ELMOD3: variants seen among roughly 807,000 people sequenced by gnomAD.
ELMOD3 encodes the protein ELMO domain containing 3, also known as ELMO domain-containing protein 3.
A neutral mutation model predicts 47.4 loss-of-function variants in ELMOD3; 36 were observed. The ratio of observed to expected loss-of-function variants is 0.76; its 90% confidence interval spans 0.58 to 1.00. ELMOD3 has a LOEUF of 1.00. Ranked by LOEUF, ELMOD3 falls within the 50% of genes least tolerant of loss-of-function variation. The pLI is 0.00. For synonymous variants in ELMOD3, 149 were observed against 183.5 expected, an observed-to-expected ratio of 0.81 and a Z score of 1.52; for missense variants, 404 against 463.8, an observed-to-expected ratio of 0.87 and a Z score of 1.18.
rs780266533 is a variant in ELMOD3, at chr2:85,389,756, C to T, written c.744C>T (p.Phe248=). 8 of 1,614,112 alleles carry T rather than the reference C, an allele frequency of 5.0e-6. No homozygotes were observed. The highest frequency in any genetic ancestry group is 1.6e-4 in the Middle Eastern group (1 of 6,062). The change falls in exon 12 of 14, where the codon TTC becomes TTT. Residue 248 remains phenylalanine (F), a synonymous_variant. Transcript: ENST00000409013. ...TGGGTGCCCCTCCATTCCAGCAATT[C>T]CCTTTCTGTTTGATGTCCGTGAACA... ...FRLSRHHIQQ[F]PFCLMSVNIT...
rs748967580 is a variant in ELMOD3, at chr2:85,377,356, C to A, written c.620C>A (p.Ala207Asp). 6.2e-7 allele frequency: 1 copy of A among 1,602,290 alleles called. No individual in the cohort carries two copies. Among genetic ancestry groups the A allele is most frequent in the African/African-American group, 1.3e-5 (1 of 74,356 alleles). Reference sequence around the variant, plus strand: ...GTCTCTGTTACAGGAGCGAATCCAGCCACAGACCTGAGAGGCGCAGGCTTC... The same window carrying A: ...GTCTCTGTTACAGGAGCGAATCCAGACACAGACCTGAGAGGCGCAGGCTTC... ...EDLGFQGANP[A>D]TDLRGAGFLA... Residue 207 changes from alanine (A) to aspartate (D), a missense_variant, in exon 11 of 14, where the codon GCC becomes GAC. Transcript: ENST00000409013.
chr2:85,368,404 C>T (rs1228580889), intron 6 of ELMOD3: 2 of 412,728 alleles, frequency 4.8e-6, no homozygotes, highest in Non-Finnish European at 9.1e-6. Flanking sequence ...CCACTAAGTT[C>T]AGCATCAATA....
At chr2:85,357,283 GT>G in intron 4 of ELMOD3, 31 bp downstream of exon 4, 18 of 1,475,350 alleles carry the variant, frequency 1.2e-5, no homozygotes, top group Non-Finnish European at 1.7e-5. Context: ...GGGAAAGGTG[GT>G]GTTGGTTTGA....
chr2:85,370,281 G>A (rs1439828186), intron 8 of ELMOD3, among the ~76,000 whole-genome samples: 1 of 151,978 alleles, frequency 6.6e-6, no homozygotes, highest in Non-Finnish European at 1.5e-5. Flanking sequence ...GGTGGGGTGG[G>A]TGCTGGGCAT....
At chr2:85,386,143 TCTG>T (rs1685905698) in intron 11 of ELMOD3, among the ~76,000 whole-genome samples, 1 of 152,200 alleles carries the variant, frequency 6.6e-6, no homozygotes. Flanking sequence ...CAGAAGATAC[TCTG>T]GTCTTCCTGC....
rs754023217 is a variant in ELMOD3 at position 85,371,550 on chromosome 2, C to G, written c.595C>G (p.Leu199Val). Residue 199 changes from leucine (L) to valine (V), a missense_variant, in exon 10 of 14, where the codon CTG (leucine) becomes GTG (valine). Coordinates refer to ENST00000409013, the MANE Select transcript of ELMOD3 (RefSeq NM_001135022.2). ...CALHGNHWED[L>V]GFQGANPATD... ...CCTTCATGGAAACCACTGGGAGGAC[C>G]TGGGCTTTCAGGGTAAGAGGGAGGA... The G allele has an allele frequency of 3.7e-6, 6 of 1,614,188 alleles. No homozygotes were observed. Among genetic ancestry groups the G allele is most frequent in the Non-Finnish European group, 4.2e-6 (5 of 1,180,034 alleles).
chr2:85,364,208 A>T (rs1328915054), intron 6 of ELMOD3, among the ~76,000 whole-genome samples: 1 of 149,974 alleles, frequency 6.7e-6, no homozygotes, highest in Non-Finnish European at 1.5e-5. Flanking sequence ...TGGTGCAATC[A>T]TAGAATTTGT....
At chr2:85,363,061 T>G in intron 5 of ELMOD3, 36 bp from the exon 6 acceptor site, 1 of 1,397,180 alleles carries the variant, frequency 7.2e-7, no homozygotes, top group Non-Finnish European at 1.0e-6. Flanking sequence ...GGTATGTGGA[T>G]TCTATCCTCA....
chr2:85,361,162 A>G (rs537705742), intron 4 of ELMOD3, among the ~76,000 whole-genome samples: 3 of 152,112 alleles, frequency 2.0e-5, no homozygotes, highest in South Asian at 2.1e-4. Context: ...TTAGCTCTGT[A>G]TCTGTGAAAT....
At chr2:85,378,129 A>G (rs1685302874) in intron 11 of ELMOD3, among the ~76,000 whole-genome samples, 1 of 152,244 alleles carries the variant, frequency 6.6e-6, no homozygotes, top group South Asian at 2.1e-4. Flanking sequence ...TGTGGGAGCT[A>G]AGAACATAAA....
At chr2:85,386,376 G>A (rs1032104030) in intron 11 of ELMOD3, among the ~76,000 whole-genome samples, 24 of 134,802 alleles carry the variant, frequency 1.8e-4, no homozygotes, top group Admixed American at 1.1e-3. Flanking sequence ...TTTTTGATAC[G>A]TAGGCTTTTT....
At chr2:85,368,592 AT>A in intron 6 of ELMOD3, 93 bp from the exon 7 acceptor site, 4 of 1,284,256 alleles carry the variant, frequency 3.1e-6, no homozygotes, top group South Asian at 1.3e-5. Flanking sequence ...AAAAAAAAAA[AT>A]AGGCCCAAGG....
intron 4 of ELMOD3, among the ~76,000 whole-genome samples, chr2:85,358,059 C>T (rs1162084915): frequency 6.6e-6 from 1 of 152,096 alleles, no homozygotes; most frequent in East Asian, 1.9e-4. Flanking sequence ...GTGGGCAGAT[C>T]ACTTGAGGTC....
rs760939799 is a variant in ELMOD3 at position 85,390,261 on chromosome 2, CA to C, written c.942del (p.Glu315SerfsTer66). 2 of 1,614,206 alleles carry C rather than the reference CA, an allele frequency of 1.2e-6. No homozygotes were observed. Among genetic ancestry groups the C allele is most frequent in the Non-Finnish European group, 1.7e-6 (2 of 1,180,040 alleles). Reference sequence around the variant, plus strand: ...CCATCTCAGACTCGGGCTTTGTCCTCAAAGGTGTGCTCTTTCTTCTGGGGAG... The same window carrying C: ...CCATCTCAGACTCGGGCTTTGTCCTCAAGGTGTGCTCTTTCTTCTGGGGAG... Reference protein sequence around the residue: ...KTISDSGFVLKELEVLAKKSP... With the variant: ...KTISDSGFVLXELEVLAKKSP... On this transcript the variant is annotated frameshift_variant, in exon 13 of 14. Transcript: ENST00000409013. LOFTEE classifies it high-confidence loss of function.
Position 85,390,775 on chromosome 2 carries a change from C to T in ELMOD3, c.959C>T (p.Ala320Val). The change falls in exon 14 of 14, where the codon GCC (alanine) becomes GTC (valine). Residue 320 changes from alanine (A) to valine (V), a missense_variant. Ala to Val is a moderately conservative substitution (Grantham distance 64). Coordinates refer to ENST00000409013, the MANE Select transcript of ELMOD3 (RefSeq NM_001135022.2). ...TCTGTTGCAGAGTTGGAAGTATTGG[C>T]CAAGAAGAGCCCACGGCGGCTGCTC... ...GFVLKELEVLAKKSPRRLLKT... is the reference protein window; with the variant it reads ...GFVLKELEVLVKKSPRRLLKT... The T allele has an allele frequency of 1.3e-6, 2 of 1,551,134 alleles. No individual in the cohort carries two copies. The highest frequency in any genetic ancestry group is 1.7e-6 in the Non-Finnish European group (2 of 1,146,972).
At chr2:85,369,613 G>C (rs944247646) in intron 7 of ELMOD3, 126 bp from the exon 8 acceptor site, 2 of 938,890 alleles carry the variant, frequency 2.1e-6, no homozygotes, top group South Asian at 1.6e-5. Flanking sequence ...GGTTGTAGCT[G>C]TAAGTGTCTG....
chr2:85,363,273 A>C (rs1684116397), intron 6 of ELMOD3, 107 bp downstream of exon 6: 2 of 680,450 alleles, frequency 2.9e-6, no homozygotes, highest in East Asian at 5.3e-5. Flanking sequence ...GTCTTTCAGA[A>C]TTTTGTAGAT....
Position 85,366,871 on chromosome 2 carries a change from C to T in ELMOD3, c.200-1815C>T, listed in dbSNP as rs76640737. Among the ~76,000 whole-genome samples, 674 of 152,334 alleles carry T rather than the reference C, an allele frequency of 4.4e-3. 14 individuals are homozygous for T. The East Asian group carries it at 0.062, about 14-fold the overall frequency. On this transcript the variant is annotated intron_variant, in intron 6 of 13. Coordinates refer to ENST00000409013, the MANE Select transcript of ELMOD3 (RefSeq NM_001135022.2). ...GAGCTGTCCCAACCTACTATACCAC[C>T]GAGGCTGGAGAGATCATATTTTTGG...
chr2:85,357,034 G>A lies in ELMOD3; in HGVS notation c.-165G>A. The A allele has an allele frequency of 1.8e-6, 1 of 547,756 alleles. No individual in the cohort carries two copies. The highest frequency in any genetic ancestry group is 3.2e-6 in the Non-Finnish European group (1 of 309,318). The allele number at this position is 547,756 out of a possible 1,614,324, so 33.9% of individuals were successfully genotyped here. A position where few individuals can be genotyped will look rare whatever the true frequency, so the allele number is the denominator to read the frequency against. On this transcript the variant is annotated 5_prime_UTR_variant, in exon 4 of 14. An upstream start codon of the reference 5' UTR is lost. Coordinates refer to ENST00000409013, the MANE Select transcript of ELMOD3 (RefSeq NM_001135022.2). ...ACAGAAACCTCCTACACCCTCGGAT[G>A]GCACAAAGGGACTGTTTTCTTACTC...
Sources: gnomAD v4.1 joint callset for allele counts (sites outside exome capture counted in the v4.1 genomes callset) on GRCh38, gnomAD v4.1.1 for gene constraint, MANE v1.5 for transcripts, NCBI Gene and HGNC (gene_info 2026-07-23, HGNC 2026-07-21) for gene names.